Variants in CASD1 observed in about 807,000 individuals in gnomAD.
CASD1 encodes the protein N-acetylneuraminate (7)9-O-acetyltransferase.
A neutral mutation model predicts 100.0 loss-of-function variants in CASD1; 41 were observed. That is an observed-to-expected ratio of 0.41 (90% CI 0.32 to 0.53). The LOEUF (loss-of-function observed/expected upper bound fraction) is 0.53. Among genes scored for constraint, CASD1 ranks in the 20% least tolerant of loss-of-function variants. The pLI, the probability that CASD1 is intolerant of heterozygous loss-of-function variation, is 0.25. For missense variants in CASD1, 774 were observed against 948.7 expected, an observed-to-expected ratio of 0.82 and a Z score of 2.42; for synonymous variants, 321 against 315.6, an observed-to-expected ratio of 1.02 and a Z score of -0.18.
chr7:94,580,207 A>G, the CASD1 span, among the ~76,000 whole-genome samples: 8 of 152,328 alleles, frequency 5.3e-5, no homozygotes, highest in Non-Finnish European at 1.0e-4. Context: ...AAGGTCAAAT[A>G]TGACCACATC....
the CASD1 span, chr7:94,597,244 C>T: frequency 6.6e-6 from 1 of 152,104 alleles, no homozygotes; most frequent in Non-Finnish European, 1.5e-5. Context: ...TTACCCACTA[C>T]CCATTACTTA....
intron 16 of CASD1, among the ~76,000 whole-genome samples, chr7:94,553,511 C>A (rs17399932): frequency 0.011 from 1,689 of 152,250 alleles, 16 homozygotes; most frequent in Non-Finnish European, 0.017. Context: ...GATCCTTTGA[C>A]AAAATGCCCA....
intron 15 of CASD1, 169 bp from the exon 16 acceptor site, chr7:94,552,181 T>TA (rs1332286144): frequency 1.9e-5 from 11 of 585,870 alleles, no homozygotes; most frequent in Admixed American, 1.0e-4. Context: ...CAGTTGAACA[T>TA]ACCAAAACAG....
At chr7:94,592,416 C>G in the CASD1 span, among the ~76,000 whole-genome samples, 1 of 152,020 alleles carries the variant, frequency 6.6e-6, no homozygotes, top group African/African-American at 2.4e-5. Flanking sequence ...TATAATCCTT[C>G]CAAGGAGGGA....
chr7:94,625,469 T>A, the CASD1 span: 1 of 152,088 alleles, frequency 6.6e-6, no homozygotes, highest in Admixed American at 6.6e-5. Flanking sequence ...ACCATCCCAG[T>A]ACATGTGTTT....
chr7:94,572,078 T>A, the CASD1 span, among the ~76,000 whole-genome samples: 1 of 152,074 alleles, frequency 6.6e-6, no homozygotes. Context: ...ATCCATGAAA[T>A]CCATGGGATG....
At chr7:94,538,300 A>G (rs1251714872) in intron 9 of CASD1, among the ~76,000 whole-genome samples, 1 of 152,166 alleles carries the variant, frequency 6.6e-6, no homozygotes. Context: ...ATATTTATAT[A>G]TTTATCAGTC....
the CASD1 span, among the ~76,000 whole-genome samples, chr7:94,580,558 C>T: frequency 6.6e-6 from 1 of 152,190 alleles, no homozygotes; most frequent in Non-Finnish European, 1.5e-5. Flanking sequence ...AAAATTATAA[C>T]ATTGCAAATA....
the CASD1 span, chr7:94,622,097 A>AT: frequency 6.6e-6 from 1 of 152,276 alleles, no homozygotes; most frequent in South Asian, 2.1e-4. Context: ...TGTAAAAGTA[A>AT]TTTTTAACCC....
the CASD1 span, chr7:94,598,900 C>T: frequency 6.2e-7 from 1 of 1,613,820 alleles, no homozygotes; most frequent in Admixed American, 1.7e-5. Flanking sequence ...TCTCTCTATT[C>T]TTGGACATGT....
chr7:94,579,595 G>A, the CASD1 span, among the ~76,000 whole-genome samples: 9 of 152,186 alleles, frequency 5.9e-5, no homozygotes, highest in East Asian at 3.9e-4. Flanking sequence ...TTCCCTGATC[G>A]TTAGATTCTG....
intron 1 of CASD1, among the ~76,000 whole-genome samples, chr7:94,516,247 A>T (rs1202288327): frequency 6.6e-6 from 1 of 152,168 alleles, no homozygotes; most frequent in East Asian, 1.9e-4. Context: ...CAATAAGATA[A>T]TGCAACATTT....
the CASD1 span, chr7:94,620,400 T>C: frequency 6.6e-6 from 1 of 152,192 alleles, no homozygotes; most frequent in Non-Finnish European, 1.5e-5. Context: ...CCTTAATGTA[T>C]AGCCCATCTG....
the CASD1 span, among the ~76,000 whole-genome samples, chr7:94,573,599 G>C: frequency 1.3e-5 from 2 of 152,178 alleles, no homozygotes; most frequent in African/African-American, 4.8e-5. Flanking sequence ...CTTTGCTGTA[G>C]TTGCTTATTA....
chr7:94,599,511 A>G, the CASD1 span: 1 of 595,952 alleles, frequency 1.7e-6, no homozygotes, highest in Non-Finnish European at 3.0e-6. Flanking sequence ...TAGTTTTCAA[A>G]CCCTTTTTAG....
At chr7:94,517,103 C>T (rs1172454278) in intron 1 of CASD1, among the ~76,000 whole-genome samples, 4 of 152,034 alleles carry the variant, frequency 2.6e-5, no homozygotes, top group Non-Finnish European at 5.9e-5. Context: ...GGTGTTTCAC[C>T]ATGTTGGCCA....
At chr7:94,588,961 C>T in the CASD1 span, 1 of 541,094 alleles carries the variant, frequency 1.8e-6, no homozygotes, top group Non-Finnish European at 3.3e-6. Flanking sequence ...GCGGGCTATA[C>T]TCTAAAGTAC....
At chr7:94,591,403 A>C in the CASD1 span, among the ~76,000 whole-genome samples, 2 of 152,170 alleles carry the variant, frequency 1.3e-5, no homozygotes, top group Non-Finnish European at 2.9e-5. Context: ...ACACACAAGC[A>C]CTTCCTCATT....
intron 8 of CASD1, 24 bp from the exon 9 acceptor site, chr7:94,537,445 TAAC>T (rs772096534): frequency 6.4e-7 from 1 of 1,567,646 alleles, no homozygotes. Context: ...GACAAGATAA[TAAC>T]CAAATAACTT....
Sources: allele counts gnomAD v4.1 joint callset (sites outside exome capture counted in the v4.1 genomes callset), GRCh38; gene constraint gnomAD v4.1.1; transcripts MANE v1.5; gene names NCBI Gene and HGNC (gene_info 2026-07-23, HGNC 2026-07-21).